The following FAM13B variants were observed in gnomAD, a reference collection of about 807,000 sequenced individuals.
FAM13B encodes family with sequence similarity 13 member B, also known as protein FAM13B.
In FAM13B, 60 loss-of-function variants were observed where a neutral mutation model predicts 117.3. The ratio of observed to expected loss-of-function variants is 0.51; its 90% confidence interval spans 0.42 to 0.63. The LOEUF (loss-of-function observed/expected upper bound fraction) is 0.63. Ranked by LOEUF, FAM13B falls within the 30% of genes least tolerant of loss-of-function variation. The probability of loss-of-function intolerance (pLI) is 0.00; values close to 1 mark genes in which losing one functional copy is unlikely to be tolerated. For missense variants in FAM13B, 972 were observed against 1,091.9 expected (o/e 0.89, Z 1.55); for synonymous variants, 332 against 356.1 (o/e 0.93, Z 0.76).
chr5:138,018,789 T>C (rs1257691403), intron 3 of FAM13B, among the ~76,000 whole-genome samples, 166 bp downstream of exon 3: 1 of 152,118 alleles, frequency 6.6e-6, no homozygotes, highest in Non-Finnish European at 1.5e-5. Flanking sequence ...TTTCTAAGTA[T>C]ATGAATTTAA....
chr5:138,025,206 T>C (rs542696593), intron 1 of FAM13B, among the ~76,000 whole-genome samples: 1 of 151,066 alleles, frequency 6.6e-6, no homozygotes, highest in African/African-American at 2.4e-5. Flanking sequence ...CCTAGCATGG[T>C]GTTATTGACA....
intron 14 of FAM13B, 181 bp from the exon 15 acceptor site, chr5:137,954,557 A>G (rs1330301362): frequency 9.3e-6 from 3 of 321,736 alleles, no homozygotes; most frequent in Non-Finnish European, 1.7e-5. Context: ...TATATATATA[A>G]TCTTCATAAA....
chr5:138,047,257 A>C (rs540404283), intron 1 of FAM13B, among the ~76,000 whole-genome samples: 1 of 151,416 alleles, frequency 6.6e-6, no homozygotes, highest in East Asian at 2.0e-4. Context: ...CTGTAATCTC[A>C]GCACTTTGGG....
At chr5:138,001,513 C>G (rs780645292) in intron 7 of FAM13B, among the ~76,000 whole-genome samples, 45 of 152,190 alleles carry the variant, frequency 3.0e-4, no homozygotes, top group Non-Finnish European at 3.8e-4. Context: ...CATCTTCCTT[C>G]TAAAGCTCCA....
chr5:138,016,322 C>A (rs1785248584), intron 4 of FAM13B, among the ~76,000 whole-genome samples: 2 of 152,124 alleles, frequency 1.3e-5, no homozygotes, highest in South Asian at 4.1e-4. Flanking sequence ...TAAATGAAAA[C>A]CAGGCCAGGT....
At chr5:137,956,636 A>C in intron 13 of FAM13B, 94 bp from the exon 14 acceptor site, 1 of 765,002 alleles carries the variant, frequency 1.3e-6, no homozygotes, top group Non-Finnish European at 1.9e-6. Flanking sequence ...AAAGATACCA[A>C]AAACATTTCC....
Position 137,980,034 on chromosome 5 carries a change from G to A in FAM13B, c.1179+5223C>T, listed in dbSNP as rs548959797. 6.3e-4 allele frequency among the ~76,000 whole-genome samples: 95 copies of A among 150,368 alleles called. 1 individual carries two copies. The highest frequency in any genetic ancestry group is 1.8e-3 in the Admixed American group (27 of 15,118). On this transcript the variant is annotated intron_variant, in intron 10 of 23. Transcript: ENST00000689681. The stretch of plus-strand genomic sequence containing the variant: ...AAAAAAAAAAAAAAATTAGCCGGGC[G>A]TGGTGGCACATGCCTGTAATCCCAG...
chr5:137,954,084 C>G (rs1252268193), intron 15 of FAM13B, 82 bp downstream of exon 15: 2 of 760,728 alleles, frequency 2.6e-6, no homozygotes, highest in Non-Finnish European at 3.9e-6. Context: ...ACTATTGAAG[C>G]CCAGGCTGGA....
intron 7 of FAM13B, among the ~76,000 whole-genome samples, chr5:138,006,103 T>C (rs999580999): frequency 1.3e-5 from 2 of 152,120 alleles, no homozygotes; most frequent in Admixed American, 6.6e-5. Flanking sequence ...TTCACCGTGT[T>C]AGCCAGGATG....
chr5:137,957,920 G>A (rs1184046158), intron 13 of FAM13B, among the ~76,000 whole-genome samples: 1 of 152,220 alleles, frequency 6.6e-6, no homozygotes, highest in African/African-American at 2.4e-5. Context: ...GGAGACTCAA[G>A]AACGCTGACG....
chr5:137,985,537 G>T (rs1190547961), intron 9 of FAM13B, 148 bp from the exon 10 acceptor site: 6 of 754,740 alleles, frequency 7.9e-6, no homozygotes, highest in Non-Finnish European at 8.2e-6. Flanking sequence ...CTTTTATCTT[G>T]CTAAATTAGA....
intron 10 of FAM13B, among the ~76,000 whole-genome samples, chr5:137,968,761 G>A (rs966259739): frequency 7.2e-5 from 11 of 152,236 alleles, no homozygotes; most frequent in Non-Finnish European, 1.2e-4. Context: ...TGCATCGTGC[G>A]CGAGCCAAAG....
chr5:137,983,063 G>C (rs1776216971), intron 10 of FAM13B, among the ~76,000 whole-genome samples: 1 of 151,518 alleles, frequency 6.6e-6, no homozygotes, highest in Non-Finnish European at 1.5e-5. Flanking sequence ...TACCAAGGAA[G>C]TGAATAAAAA....
intron 1 of FAM13B, among the ~76,000 whole-genome samples, chr5:138,046,756 CT>C (rs926965936): frequency 1.3e-5 from 2 of 151,320 alleles, no homozygotes; most frequent in Non-Finnish European, 3.0e-5. Context: ...TTTTTCTTTT[CT>C]TTTTTTTGAA....
chr5:137,946,340 T>TACAAAAAAAAAAAAA, intron 18 of FAM13B, 29 bp from the exon 19 acceptor site: 1 of 1,219,546 alleles, frequency 8.2e-7, no homozygotes, highest in Non-Finnish European at 1.1e-6. Flanking sequence ...AATAACAAAA[T>TACAAAAAAAAAAAAA]ACAAAAAAAA....
Position 137,971,113 on chromosome 5 carries a change from T to A in FAM13B, c.1180-8644A>T, listed in dbSNP as rs909200541. Among the ~76,000 whole-genome samples, 36 of 151,590 alleles carry A rather than the reference T, an allele frequency of 2.4e-4. 1 individual carries two copies. The highest frequency in any genetic ancestry group is 7.7e-4 in the African/African-American group (32 of 41,330). On this transcript the variant is annotated intron_variant, in intron 10 of 23. Coordinates refer to ENST00000689681, the MANE Select transcript of FAM13B (RefSeq NM_001385994.1). Reference sequence around the variant, plus strand: ...ACTCAGCTCTGCACCAAGCGGACCTTATAGACATCTACAGAACTCTCCACC... The same window carrying A: ...ACTCAGCTCTGCACCAAGCGGACCTAATAGACATCTACAGAACTCTCCACC...
At chr5:138,003,086 G>A (rs1781687230) in intron 7 of FAM13B, among the ~76,000 whole-genome samples, 1 of 151,902 alleles carries the variant, frequency 6.6e-6, no homozygotes, top group Non-Finnish European at 1.5e-5. Context: ...ATTTCATAGA[G>A]GACACACCTA....
intron 12 of FAM13B, 52 bp downstream of exon 12, chr5:137,960,114 A>G (rs1219061407): frequency 1.9e-6 from 2 of 1,059,652 alleles, no homozygotes; most frequent in African/African-American, 1.6e-5. Context: ...CAGACATAAC[A>G]GTTTAAACCT....
chr5:138,032,235 G>A (rs914413424), intron 1 of FAM13B, among the ~76,000 whole-genome samples: 1 of 152,164 alleles, frequency 6.6e-6, no homozygotes, highest in Non-Finnish European at 1.5e-5. Context: ...TATGCAGAGC[G>A]CATTCTAGAC....
Sources: allele counts gnomAD v4.1 joint callset (sites outside exome capture counted in the v4.1 genomes callset), GRCh38; gene constraint gnomAD v4.1.1; transcripts MANE v1.5; gene names NCBI Gene and HGNC (gene_info 2026-07-23, HGNC 2026-07-21).